The following CTNND2 variants were observed in gnomAD, a reference collection of about 807,000 sequenced individuals.
CTNND2 encodes the protein catenin delta 2, also known as catenin delta-2.
Under a neutral mutation model 144.4 loss-of-function variants are expected in CTNND2, and 22 were observed. The ratio of observed to expected loss-of-function variants is 0.15; its 90% CI spans 0.11 to 0.22. The LOEUF (loss-of-function observed/expected upper bound fraction) is 0.22, where lower values mean the gene tolerates loss of function less well. CTNND2 is among the 10% of genes least tolerant of loss of function. CTNND2 has a pLI of 1.00. For synonymous variants in CTNND2, 751 were observed against 695.6 expected (o/e 1.08, Z -1.25); for missense variants, 1,353 against 1,618.8 (o/e 0.84, Z 2.82).
chr5:11,879,976 T>C (rs1486463884), intron 1 of CTNND2, among the ~76,000 whole-genome samples: 1 of 152,142 alleles, frequency 6.6e-6, no homozygotes, highest in Non-Finnish European at 1.5e-5. Context: ...TATGGAAGAT[T>C]GTGCTGAGAT....
chr5:11,849,874 A>G (rs956511985), intron 1 of CTNND2, among the ~76,000 whole-genome samples: 2 of 152,192 alleles, frequency 1.3e-5, no homozygotes, highest in Non-Finnish European at 2.9e-5. Flanking sequence ...ATGGCTGAGT[A>G]GGAAAATCAC....
chr5:11,395,873 C>T (rs1285445732), intron 6 of CTNND2, among the ~76,000 whole-genome samples: 1 of 152,176 alleles, frequency 6.6e-6, no homozygotes, highest in African/African-American at 2.4e-5. Flanking sequence ...CTGCACCAGG[C>T]TGTTAACCCT....
At chr5:11,374,912 T>C (rs537552518) in intron 7 of CTNND2, among the ~76,000 whole-genome samples, 19 of 151,982 alleles carry the variant, frequency 1.3e-4, no homozygotes, top group African/African-American at 3.9e-4. Context: ...AGCTAAGTAT[T>C]CATTTTTGAT....
At chr5:11,672,628 C>A (rs1182278434) in intron 2 of CTNND2, among the ~76,000 whole-genome samples, 1 of 152,154 alleles carries the variant, frequency 6.6e-6, no homozygotes, top group Non-Finnish European at 1.5e-5. Context: ...CTCCCCCAAC[C>A]AAGCTTGAGC....
intron 1 of CTNND2, among the ~76,000 whole-genome samples, chr5:11,764,497 C>A (rs1019978569): frequency 1.3e-5 from 2 of 152,106 alleles, no homozygotes; most frequent in Admixed American, 6.5e-5. Context: ...GCTGGTGAGG[C>A]CACCCCAAAG....
At chr5:11,439,144 C>A (rs1442437497) in intron 3 of CTNND2, among the ~76,000 whole-genome samples, 1 of 152,108 alleles carries the variant, frequency 6.6e-6, no homozygotes, top group African/African-American at 2.4e-5. Flanking sequence ...AAACCATAAT[C>A]CAATGCATGG....
At chr5:11,893,797 G>A (rs557404856) in intron 1 of CTNND2, among the ~76,000 whole-genome samples, 50 of 152,280 alleles carry the variant, frequency 3.3e-4, no homozygotes, top group African/African-American at 1.2e-3. Flanking sequence ...GAAATATGGT[G>A]TCACTATACA....
chr5:11,060,557 T>C (rs1361034358), intron 16 of CTNND2, among the ~76,000 whole-genome samples: 1 of 152,204 alleles, frequency 6.6e-6, no homozygotes, highest in African/African-American at 2.4e-5. Context: ...TTCTGATCAG[T>C]CTCAACTGAT....
intron 1 of CTNND2, among the ~76,000 whole-genome samples, chr5:11,892,172 A>G (rs1737021121): frequency 1.3e-5 from 2 of 152,070 alleles, no homozygotes; most frequent in African/African-American, 4.8e-5. Context: ...TAGCTTGTCG[A>G]TGATGGTGAA....
chr5:11,719,374 G>A (rs1786532467), intron 2 of CTNND2, among the ~76,000 whole-genome samples: 1 of 152,138 alleles, frequency 6.6e-6, no homozygotes, highest in Non-Finnish European at 1.5e-5. Flanking sequence ...CAGTAGTACT[G>A]AGTGACTTTC....
intron 9 of CTNND2, among the ~76,000 whole-genome samples, chr5:11,247,794 C>A (rs1743151502): frequency 6.6e-6 from 1 of 152,134 alleles, no homozygotes; most frequent in Non-Finnish European, 1.5e-5. Flanking sequence ...TAAATATTCT[C>A]AAAGACCATT....
chr5:11,781,923 T>C (rs1790560523), intron 1 of CTNND2, among the ~76,000 whole-genome samples: 1 of 152,224 alleles, frequency 6.6e-6, no homozygotes, highest in Non-Finnish European at 1.5e-5. Flanking sequence ...CTAGGGTTTC[T>C]AAAAAATATA....
intron 10 of CTNND2, among the ~76,000 whole-genome samples, chr5:11,213,465 C>T (rs1408847416): frequency 6.6e-6 from 1 of 152,128 alleles, no homozygotes; most frequent in African/African-American, 2.4e-5. Flanking sequence ...CGCAACAAGG[C>T]AAATTGAAAT....
At chr5:11,157,086 C>T (rs768402175) in intron 12 of CTNND2, among the ~76,000 whole-genome samples, 3 of 152,104 alleles carry the variant, frequency 2.0e-5, no homozygotes, top group African/African-American at 4.8e-5. Flanking sequence ...CCTGGCTTCA[C>T]GACTTAACTA....
At chr5:11,261,094 G>A (rs1193922914) in intron 9 of CTNND2, among the ~76,000 whole-genome samples, 1 of 152,148 alleles carries the variant, frequency 6.6e-6, no homozygotes, top group Non-Finnish European at 1.5e-5. Flanking sequence ...TCACGCGAAT[G>A]CTTGTGTGAA....
intron 3 of CTNND2, among the ~76,000 whole-genome samples, chr5:11,433,973 A>C (rs1475016448): frequency 6.6e-6 from 1 of 152,198 alleles, no homozygotes; most frequent in African/African-American, 2.4e-5. Flanking sequence ...AAACCAAGAT[A>C]TTTCCCCAAG....
At chr5:11,822,514 C>G (rs745473945) in intron 1 of CTNND2, among the ~76,000 whole-genome samples, 1 of 151,984 alleles carries the variant, frequency 6.6e-6, no homozygotes, top group Non-Finnish European at 1.5e-5. Context: ...AAATAATTTC[C>G]GCATCCTGGT....
chr5:11,345,493 A>G (rs147226161), intron 9 of CTNND2, among the ~76,000 whole-genome samples: 4 of 152,054 alleles, frequency 2.6e-5, no homozygotes, highest in East Asian at 1.9e-4. Context: ...ATCTATTCCA[A>G]CCCCTCAATA....
At chr5:11,311,109 A>C (rs1250193013) in intron 9 of CTNND2, among the ~76,000 whole-genome samples, 1 of 143,076 alleles carries the variant, frequency 7.0e-6, no homozygotes, top group Non-Finnish European at 1.5e-5. Flanking sequence ...CACTCTCTCC[A>C]TGCACCCTCA....
Sources: allele counts gnomAD v4.1 joint callset (sites outside exome capture counted in the v4.1 genomes callset), GRCh38; gene constraint gnomAD v4.1.1; transcripts MANE v1.5; gene names NCBI Gene and HGNC (gene_info 2026-07-23, HGNC 2026-07-21).